The following ANKRD36 variants were observed in gnomAD, a reference collection of about 807,000 sequenced individuals.
ANKRD36 encodes the protein ankyrin repeat domain-containing protein 36A.
ANKRD36 carries 179 observed loss-of-function variants against 278.1 expected under a neutral mutation model. The observed-to-expected ratio is 0.64, with a 90% CI of 0.57 to 0.73. ANKRD36 has a LOEUF of 0.73. Ranked by LOEUF, ANKRD36 falls within the 30% of genes least tolerant of loss-of-function variation. The pLI is 0.00. For missense variants in ANKRD36, 1,159 were observed against 1,956.7 expected (o/e 0.59, Z 7.69); for synonymous variants, 320 against 641.1 (o/e 0.50, Z 7.57).
At chr2:97,170,669 A>C (rs1276161185) in intron 22 of ANKRD36, among the ~76,000 whole-genome samples, 2 of 151,916 alleles carry the variant, frequency 1.3e-5, no homozygotes, top group African/African-American at 4.8e-5. Flanking sequence ...AAAACACCAA[A>C]AGCAATGGCA....
In ANKRD36 at chr2:97,200,419, C is replaced by T. The variant is rs1477530761; in HGVS notation, c.2785-34C>T. ...GTAAACGTATAGCCTATGAAACATACCTTATTTATTACTTTGTTTCAAATT... is the reference window on the plus strand; with the variant it reads ...GTAAACGTATAGCCTATGAAACATATCTTATTTATTACTTTGTTTCAAATT... On this transcript the variant is annotated intron_variant, in intron 45 of 75. Coordinates refer to ENST00000420699, the MANE Select transcript of ANKRD36 (RefSeq NM_001354587.1). 7 of 1,601,146 alleles carry T rather than the reference C, an allele frequency of 4.4e-6. No homozygotes were observed. In the South Asian group the frequency reaches 6.7e-5, roughly 15 times the overall value.
chr2:97,177,665 C>T (rs1302120785), intron 22 of ANKRD36, among the ~76,000 whole-genome samples: 1 of 151,786 alleles, frequency 6.6e-6, no homozygotes, highest in Non-Finnish European at 1.5e-5. Context: ...ACACCTTATA[C>T]AAAAATCAAT....
Position 97,195,035 on chromosome 2 carries a change from T to C in ANKRD36, c.2551+118T>C, listed in dbSNP as rs1300501309. 35 of 1,395,194 alleles carry C rather than the reference T, an allele frequency of 2.5e-5. No homozygotes were observed. In the African/African-American group the frequency reaches 4.8e-4, roughly 19 times the overall value. The allele number at this position is 1,395,194 out of a possible 1,614,324, so 86.4% of individuals were successfully genotyped here. A position where few individuals can be genotyped will look rare whatever the true frequency, so the allele number is the denominator to read the frequency against. ...CATTCTGATTCAGCAGGCCTGAGAT[T>C]CTTCATTTCTAATAAGTTCTTGGGT... On this transcript the variant is annotated intron_variant, in intron 40 of 75. Coordinates refer to ENST00000420699, the MANE Select transcript of ANKRD36 (RefSeq NM_001354587.1).
In ANKRD36 at chr2:97,220,492, C is replaced by G. The variant is rs1246842594; in HGVS notation, c.3877+1246C>G. On this transcript the variant is annotated intron_variant, in intron 66 of 75. Coordinates refer to ENST00000420699, the MANE Select transcript of ANKRD36 (RefSeq NM_001354587.1). ...CACAAAGGATTGACAACATGTGAAG[C>G]CTTCCTTTCTTTGCCTGGATTATTT... Among the ~76,000 whole-genome samples, 55 of 151,262 alleles carry G rather than the reference C, an allele frequency of 3.6e-4. No individual in the cohort carries two copies. In the South Asian group the frequency reaches 8.9e-3, roughly 24 times the overall value.
chr2:97,174,565 C>T (rs1401026223), intron 22 of ANKRD36, among the ~76,000 whole-genome samples: 1 of 151,864 alleles, frequency 6.6e-6, no homozygotes, highest in Non-Finnish European at 1.5e-5. Context: ...ATCATGTCAT[C>T]TGCAAACAGG....
At chr2:97,175,353 G>T (rs1427136148) in intron 22 of ANKRD36, among the ~76,000 whole-genome samples, 6 of 151,324 alleles carry the variant, frequency 4.0e-5, no homozygotes, top group Non-Finnish European at 8.8e-5. Flanking sequence ...GTTTAGTCTT[G>T]GGAGAGTGTA....
At chr2:97,209,775 T>C (rs368010599) in intron 55 of ANKRD36, 25 bp from the exon 56 acceptor site, 130 of 1,594,462 alleles carry the variant, frequency 8.2e-5, no homozygotes, top group Non-Finnish European at 8.4e-5. Context: ...ACCTTACTTA[T>C]TATTTCATTT....
intron 30 of ANKRD36, 77 bp downstream of exon 30, chr2:97,185,587 G>A (rs1575499362): frequency 1.3e-6 from 2 of 1,516,110 alleles, no homozygotes; most frequent in Admixed American, 1.9e-5. Context: ...TAAATCAGCG[G>A]GGGGCTCGTC....
In ANKRD36 at chr2:97,137,467, T is replaced by A. The variant is rs577906702; in HGVS notation, c.800-5173T>A. Among the ~76,000 whole-genome samples, 9 of 151,996 alleles carry A rather than the reference T, an allele frequency of 5.9e-5. No homozygotes were observed. In the East Asian group the frequency reaches 9.7e-4, roughly 16 times the overall value. On this transcript the variant is annotated intron_variant, in intron 6 of 75. Transcript: ENST00000420699. ...TGCCCAGCCTGCATGATTTTTTTTT[T>A]AATAAAGAGTCTTGCTATGTTGCCC... is the stretch of plus-strand genomic sequence containing the variant.
In ANKRD36 at chr2:97,149,313, T is replaced by A. The variant is rs751217617; in HGVS notation, c.1053T>A (p.Asp351Glu). 5 of 1,534,322 alleles carry A rather than the reference T, an allele frequency of 3.3e-6. No individual in the cohort carries two copies. In the East Asian group the frequency reaches 1.2e-4, roughly 38 times the overall value. ...TCTGTAGGAGTCTCTACAGACCTGA[T>A]GCTGTTGCACAGCCTGTGACAGAGA... ...QCLNRSLYRPDAVAQPVTENE... is the reference protein window; with the variant it reads ...QCLNRSLYRPEAVAQPVTENE... Residue 351 changes from aspartate to glutamate, a missense_variant, in exon 12 of 76, where the codon GAT becomes GAA. Coordinates refer to ENST00000420699, the MANE Select transcript of ANKRD36 (RefSeq NM_001354587.1).
At position 97,185,314 on chromosome 2, in the gene ANKRD36, A is replaced by C. The variant is rs771307230; in HGVS notation, c.1940-2A>C. ...TGATTATGTATCCCTTTTGCTTTTC[A>C]GTGTCTTCTCAGAAACAACCAGCCT... is the stretch of plus-strand genomic sequence containing the variant. On this transcript the variant is annotated splice_acceptor_variant, in intron 28 of 75. Transcript: ENST00000420699. LOFTEE classifies it high-confidence loss of function. 3 of 1,602,566 alleles carry C rather than the reference A, an allele frequency of 1.9e-6. No homozygotes were observed. The highest frequency in any genetic ancestry group is 2.6e-6 in the Non-Finnish European group (3 of 1,170,488).
chr2:97,181,647 A>G lies in ANKRD36; in HGVS notation c.1764+21A>G, dbSNP rs751521076. The G allele has an allele frequency of 4.4e-6, 7 of 1,603,138 alleles. No individual in the cohort carries two copies. In the South Asian group the frequency reaches 7.7e-5, roughly 18 times the overall value. On this transcript the variant is annotated intron_variant, in intron 25 of 75. Transcript: ENST00000420699. Reference sequence around the variant, plus strand: ...AGAAGGTAATTAAAGTCTCATTTATATGTTGAACTATTAACTGTATAGTCT... The same window carrying G: ...AGAAGGTAATTAAAGTCTCATTTATGTGTTGAACTATTAACTGTATAGTCT...
At chr2:97,211,883 C>T (rs1270598008) in intron 58 of ANKRD36, 142 bp downstream of exon 58, 30 of 1,155,160 alleles carry the variant, frequency 2.6e-5, no homozygotes, top group Middle Eastern at 2.1e-4. Context: ...AATAAGTTCT[C>T]GGGTGACCCT....
At chr2:97,154,641 G>A (rs1351103006) in intron 14 of ANKRD36, 34 bp from the exon 15 acceptor site, 6 of 1,438,110 alleles carry the variant, frequency 4.2e-6, no homozygotes, top group Admixed American at 2.0e-5. Context: ...AGAAATGAAC[G>A]TGCTCATTTT....
At chr2:97,222,482 A>G (rs1327542799) in intron 66 of ANKRD36, among the ~76,000 whole-genome samples, 5 of 152,094 alleles carry the variant, frequency 3.3e-5, no homozygotes, top group African/African-American at 9.6e-5. Context: ...CATCCTCACC[A>G]GCATTTCTTA....
At chr2:97,187,934 AAATCTGAGTG>A (rs1273527207) in intron 32 of ANKRD36, among the ~76,000 whole-genome samples, 1 of 151,726 alleles carries the variant, frequency 6.6e-6, no homozygotes, top group African/African-American at 2.4e-5. Flanking sequence ...TCTGCTGAGG[AAATCTGAGTG>A]AACTCACTTC....
intron 6 of ANKRD36, among the ~76,000 whole-genome samples, chr2:97,140,660 G>A (rs905311467): frequency 7.9e-5 from 12 of 151,976 alleles, no homozygotes; most frequent in East Asian, 1.9e-4. Context: ...ATTTGTACAC[G>A]TTAGTCAAGT....
chr2:97,223,299 C>G (rs1177827399), intron 66 of ANKRD36, among the ~76,000 whole-genome samples: 1 of 149,948 alleles, frequency 6.7e-6, no homozygotes, highest in African/African-American at 2.5e-5. Flanking sequence ...TGGGGTTTCA[C>G]CATGTTAGTC....
intron 24 of ANKRD36, among the ~76,000 whole-genome samples, chr2:97,181,371 C>T (rs1449999248): frequency 3.3e-5 from 5 of 151,372 alleles, no homozygotes; most frequent in Non-Finnish European, 5.9e-5. Context: ...AGATGTATCA[C>T]GAATCATACC....
Sources: gnomAD v4.1 joint callset for allele counts (sites outside exome capture counted in the v4.1 genomes callset) on GRCh38, gnomAD v4.1.1 for gene constraint, MANE v1.5 for transcripts, NCBI Gene and HGNC (gene_info 2026-07-23, HGNC 2026-07-21) for gene names.